The following AFG3L2 variants were observed in gnomAD, a reference collection of about 807,000 sequenced individuals.
AFG3L2 encodes mitochondrial inner membrane m-AAA protease component AFG3L2.
AFG3L2 carries 54 observed loss-of-function variants against 94.5 expected under a neutral mutation model. That is an observed-to-expected ratio of 0.57 (90% CI 0.46 to 0.72). AFG3L2 has a LOEUF of 0.72. Among genes scored for constraint, AFG3L2 ranks in the 30% least tolerant of loss-of-function variants. AFG3L2 has a pLI of 0.00. For synonymous variants in AFG3L2, 377 were observed against 365.5 expected, an observed-to-expected ratio of 1.03 and a Z score of -0.36; for missense variants, 754 against 994.9, an observed-to-expected ratio of 0.76 and a Z score of 3.26.
At chr18:12,335,518 G>A (rs149425393) in intron 16 of AFG3L2, among the ~76,000 whole-genome samples, 4 of 152,250 alleles carry the variant, frequency 2.6e-5, no homozygotes, top group African/African-American at 9.6e-5. Context: ...GGAAAAAGCA[G>A]GGACCACAGA....
At chr18:12,340,919 CTTTTTTT>C (rs11344408) in intron 14 of AFG3L2, 2 of 143,500 alleles carry the variant, frequency 1.4e-5, no homozygotes, top group Admixed American at 6.8e-5. Context: ...AATGGCTTTT[CTTTTTTT>C]TTTTTTTTTT....
chr18:12,362,801 T>C (rs1365298986), intron 6 of AFG3L2, among the ~76,000 whole-genome samples: 3 of 143,970 alleles, frequency 2.1e-5, no homozygotes, highest in Admixed American at 1.3e-4. Flanking sequence ...TGCAGAGACA[T>C]CCCACACACA....
At chr18:12,342,933 T>C (rs1336833654) in intron 14 of AFG3L2, 1 of 152,110 alleles carries the variant, frequency 6.6e-6, no homozygotes. Flanking sequence ...CTGGGATGAG[T>C]AACTTACTGT....
intron 5 of AFG3L2, among the ~76,000 whole-genome samples, chr18:12,366,583 C>T (rs1228857497): frequency 1.4e-4 from 22 of 152,078 alleles, no homozygotes; most frequent in Admixed American, 1.2e-3. Context: ...CACAACAGCA[C>T]AAAGCAGGGG....
Position 12,353,030 on chromosome 18 carries a change from G to A in AFG3L2, c.1293C>T (p.Leu431=), listed in dbSNP as rs1032426283. 6.2e-7 allele frequency: 1 copy of A among 1,613,606 alleles called. No individual in the cohort carries two copies. Residue 431 remains leucine (L), a synonymous_variant, in exon 10 of 17, where the codon CTC becomes CTT. Transcript: ENST00000269143. ...CATCCATCTCCACCAGCAGCTGGTT[G>A]AGTGTGTTCTCCTGCTCACTCTGCC... The part of the protein sequence containing the change: ...FGGQSEQENT[L]NQLLVEMDGF...
chr18:12,353,514 C>CAAAA (rs71172076), intron 9 of AFG3L2, among the ~76,000 whole-genome samples: 56 of 81,036 alleles, frequency 6.9e-4, no homozygotes, highest in South Asian at 1.4e-3. Flanking sequence ...AATTCTGTCT[C>CAAAA]AAAAAAAAAA....
At position 12,329,768 on chromosome 18, in the gene AFG3L2, A is replaced by G; in HGVS notation, c.2191T>C (p.Leu731=). ...TTCTTATCTAATACTTCTTTTTCTAACAACAGAAGAGCAACCTGAAATATG... is the reference window on the plus strand; with the variant it reads ...TTCTTATCTAATACTTCTTTTTCTAGCAACAGAAGAGCAACCTGAAATATG... The part of the protein sequence containing the change: ...ADVEKVALLL[L]EKEVLDKNDM... The change falls in exon 17 of 17, where the codon TTA becomes CTA. Residue 731 remains leucine (L), a synonymous_variant. Transcript: ENST00000269143. 1 of 1,613,858 alleles carries G rather than the reference A, an allele frequency of 6.2e-7. No homozygotes were observed. The highest frequency in any genetic ancestry group is 1.1e-5 in the South Asian group (1 of 91,076).
chr18:12,374,624 T>C (rs970265735), intron 1 of AFG3L2, among the ~76,000 whole-genome samples: 1 of 152,132 alleles, frequency 6.6e-6, no homozygotes, highest in African/African-American at 2.4e-5. Context: ...TCCTTATACA[T>C]CAGCATCTGA....
intron 13 of AFG3L2, among the ~76,000 whole-genome samples, chr18:12,346,501 C>G (rs1196837546): frequency 6.6e-6 from 1 of 152,140 alleles, no homozygotes; most frequent in Non-Finnish European, 1.5e-5. Flanking sequence ...ACTGGTGCTC[C>G]CCCCTGATAA....
intron 5 of AFG3L2, 138 bp from the exon 6 acceptor site, chr18:12,363,994 C>T (rs970648775): frequency 2.6e-5 from 19 of 726,202 alleles, no homozygotes; most frequent in Middle Eastern, 3.8e-4. Flanking sequence ...CCCCCATGTT[C>T]CCCCCTATAA....
intron 6 of AFG3L2, among the ~76,000 whole-genome samples, chr18:12,362,078 C>CCCCCA (rs1204119964): frequency 6.6e-5 from 10 of 152,234 alleles, no homozygotes; most frequent in African/African-American, 2.2e-4. Context: ...GGTCCCAGGA[C>CCCCCA]TCAAGTTTTA....
chr18:12,358,285 C>A (rs1908554927), intron 8 of AFG3L2, among the ~76,000 whole-genome samples: 1 of 152,210 alleles, frequency 6.6e-6, no homozygotes, highest in South Asian at 2.1e-4. Flanking sequence ...AACCTCAGCG[C>A]CAGCACAGGT....
chr18:12,366,448 G>A (rs990082417), intron 5 of AFG3L2, among the ~76,000 whole-genome samples: 1 of 152,146 alleles, frequency 6.6e-6, no homozygotes, highest in Non-Finnish European at 1.5e-5. Context: ...AAATGGCAGG[G>A]ACCACGCACC....
chr18:12,349,643 G>A (rs1361327991), intron 12 of AFG3L2, among the ~76,000 whole-genome samples: 1 of 152,002 alleles, frequency 6.6e-6, no homozygotes, highest in Non-Finnish European at 1.5e-5. Flanking sequence ...CATAAACCAG[G>A]CACAAAAGAC....
At chr18:12,335,011 C>G (rs1368338653) in intron 16 of AFG3L2, among the ~76,000 whole-genome samples, 2 of 152,150 alleles carry the variant, frequency 1.3e-5, no homozygotes, top group African/African-American at 4.8e-5. Context: ...AGCTTGGAAA[C>G]TGAGTTGCAC....
intron 16 of AFG3L2, among the ~76,000 whole-genome samples, chr18:12,334,840 C>G (rs192000540): frequency 1.2e-4 from 18 of 152,296 alleles, no homozygotes; most frequent in African/African-American, 4.3e-4. Context: ...CCTTTAAGAA[C>G]TACTACAAAA....
At chr18:12,374,807 T>C (rs1345299365) in intron 1 of AFG3L2, among the ~76,000 whole-genome samples, 2 of 152,190 alleles carry the variant, frequency 1.3e-5, no homozygotes, top group African/African-American at 2.4e-5. Flanking sequence ...ACGTCTGTAA[T>C]ACTAGCACTT....
At chr18:12,339,848 CAAAAA>C (rs55881327) in intron 15 of AFG3L2, among the ~76,000 whole-genome samples, 1 of 79,226 alleles carries the variant, frequency 1.3e-5, no homozygotes. Flanking sequence ...GGCTCAGTCT[CAAAAA>C]AAAAAAAAAA....
intron 1 of AFG3L2, among the ~76,000 whole-genome samples, chr18:12,376,703 C>G (rs1263634280): frequency 6.6e-6 from 1 of 152,254 alleles, no homozygotes; most frequent in Non-Finnish European, 1.5e-5. Flanking sequence ...ACATGACCTT[C>G]GAGGCTTCAA....
Sources: allele counts gnomAD v4.1 joint callset (sites outside exome capture counted in the v4.1 genomes callset), GRCh38; gene constraint gnomAD v4.1.1; transcripts MANE v1.5; gene names NCBI Gene and HGNC (gene_info 2026-07-23, HGNC 2026-07-21).